The following ZNF232 variants were observed in gnomAD, a reference collection of about 807,000 sequenced individuals.
ZNF232 encodes the protein zinc finger and SCAN domain-containing protein 11.
In ZNF232, 25 loss-of-function variants were observed where a neutral mutation model predicts 25.2. The ratio of observed to expected loss-of-function variants is 0.99; its 90% confidence interval spans 0.72 to 1.39. ZNF232 has a LOEUF of 1.39. ZNF232 is among the 40% of genes most tolerant of loss of function. The probability of loss-of-function intolerance (pLI) is 0.00; values close to 1 mark genes in which losing one functional copy is unlikely to be tolerated. For synonymous variants in ZNF232, 193 were observed against 182.9 expected (o/e 1.06, Z -0.45); for missense variants, 519 against 520.9 (o/e 1.00, Z 0.04).
upstream of ZNF232, chr17:5,114,443 A>C (rs2072483101): frequency 2.0e-5 from 3 of 152,374 alleles, no homozygotes; most frequent in South Asian, 4.1e-4. Flanking sequence ...TTGATGCTGA[A>C]TAAGTTGTGA....
At chr17:5,121,193 A>G (rs1441511789) in intron 1 of ZNF232, among the ~76,000 whole-genome samples, 1 of 152,170 alleles carries the variant, frequency 6.6e-6, no homozygotes, top group Non-Finnish European at 1.5e-5. Context: ...AAGAAATGCA[A>G]ACAACCGCAG....
upstream of ZNF232, among the ~76,000 whole-genome samples, chr17:5,112,618 A>AT (rs553692280): frequency 0.16 from 22,943 of 143,664 alleles, 2,071 homozygotes; most frequent in African/African-American, 0.25. Context: ...CGCCCGGCTA[A>AT]TTTTTTTTTT....
chr17:5,116,260 C>A (rs1025470448), upstream of ZNF232, among the ~76,000 whole-genome samples: 4 of 151,924 alleles, frequency 2.6e-5, no homozygotes, highest in Non-Finnish European at 4.4e-5. Flanking sequence ...CTGCTCGACG[C>A]CACTCCCGGC....
At chr17:5,107,575 G>C (rs1292345899) in intron 3 of ZNF232, among the ~76,000 whole-genome samples, 2 of 135,376 alleles carry the variant, frequency 1.5e-5, no homozygotes, top group East Asian at 4.2e-4. Flanking sequence ...GTCTTGCTCT[G>C]TTGCCCAGGC....
upstream of ZNF232, chr17:5,113,443 C>T (rs1382193607): frequency 6.6e-6 from 1 of 152,202 alleles, no homozygotes; most frequent in Non-Finnish European, 1.5e-5. Context: ...TTGACAGAGC[C>T]TGAATTTCAG....
chr17:5,106,628 A>T (rs2072267572), intron 3 of ZNF232, 95 bp from the exon 4 acceptor site: 3 of 1,063,134 alleles, frequency 2.8e-6, no homozygotes, highest in Non-Finnish European at 4.0e-6. Context: ...CAAACATTCG[A>T]AGAATATTTA....
chr17:5,109,329 G>C, intron 2 of ZNF232, 65 bp downstream of exon 2: 1 of 1,589,952 alleles, frequency 6.3e-7, no homozygotes, highest in Non-Finnish European at 8.6e-7. Context: ...CCCTACAGCT[G>C]CCCCTCGGTC....
upstream of ZNF232, among the ~76,000 whole-genome samples, chr17:5,115,455 G>C (rs536223229): frequency 4.7e-4 from 72 of 152,162 alleles, 1 homozygote; most frequent in Admixed American, 3.9e-4. Context: ...GGAGGCTGAG[G>C]CGGGACAACA....
At chr17:5,109,320 C>G (rs149824709) in intron 2 of ZNF232, 74 bp downstream of exon 2, 1 of 1,570,974 alleles carries the variant, frequency 6.4e-7, no homozygotes, top group African/African-American at 1.4e-5. Flanking sequence ...GGCACCTCCC[C>G]CTACAGCTGC....
At chr17:5,108,847 A>G in intron 3 of ZNF232, 79 bp downstream of exon 3, 2 of 1,601,734 alleles carry the variant, frequency 1.2e-6, no homozygotes, top group Non-Finnish European at 1.7e-6. Flanking sequence ...ACTACTATTT[A>G]CCCTTTACAG....
At chr17:5,122,748 G>C (rs929634375) in intron 1 of ZNF232, among the ~76,000 whole-genome samples, 1 of 152,232 alleles carries the variant, frequency 6.6e-6, no homozygotes, top group Non-Finnish European at 1.5e-5. Flanking sequence ...ACCCGCAGCG[G>C]GTATCCCCAA....
At chr17:5,111,602 A>G in intron 1 of ZNF232, 198 bp downstream of exon 1, 1 of 726,920 alleles carries the variant, frequency 1.4e-6, no homozygotes, top group African/African-American at 1.8e-5. Context: ...GAGGAACATC[A>G]AGACCCCCCT....
exon 1 of ZNF232, chr17:5,123,071 C>G (rs2072748622): frequency 6.5e-6 from 1 of 153,218 alleles, no homozygotes; most frequent in Non-Finnish European, 1.5e-5. Flanking sequence ...GATCCTTAGG[C>G]TCCGAAGAGA....
At chr17:5,109,313 A>G (rs1597923095) in intron 2 of ZNF232, 81 bp downstream of exon 2, 1 of 1,548,528 alleles carries the variant, frequency 6.5e-7, no homozygotes, top group Non-Finnish European at 8.9e-7. Context: ...TGAACTTGGC[A>G]CCTCCCCCTA....
chr17:5,108,897 C>A (rs1381955724), intron 3 of ZNF232, 29 bp downstream of exon 3: 2 of 1,613,608 alleles, frequency 1.2e-6, no homozygotes, highest in Admixed American at 3.3e-5. Flanking sequence ...TCTTTCTCCT[C>A]TCCCTCCCCA....
At chr17:5,109,589 T>C (rs1322517397) in exon 2 of ZNF232, 1 of 1,614,090 alleles carries the variant, frequency 6.2e-7, no homozygotes, top group African/African-American at 1.3e-5. Context: ...AGCAGAGTAC[T>C]CGTAGTTGGC....
upstream of ZNF232, among the ~76,000 whole-genome samples, chr17:5,115,991 G>A (rs1961793745): frequency 6.6e-6 from 1 of 152,244 alleles, no homozygotes. Flanking sequence ...TGTAGGGCTG[G>A]ACGGCACAAA....
At chr17:5,117,058 A>AC (rs1343915731) in intron 1 of ZNF232, among the ~76,000 whole-genome samples, 1 of 151,922 alleles carries the variant, frequency 6.6e-6, no homozygotes, top group Non-Finnish European at 1.5e-5. Flanking sequence ...GCTAGGTGAG[A>AC]CTCCCCACTG....
rs372445245 is a variant in ZNF232 at position 5,106,578 on chromosome 17, T to C, written c.626-72A>G. 1.1e-5 allele frequency: 16 copies of C among 1,491,262 alleles called. No individual in the cohort carries two copies. In the East Asian group the frequency reaches 1.1e-4, roughly 11 times the overall value. The allele number at this position is 1,491,262 out of a possible 1,614,324, so 92.4% of individuals were successfully genotyped here. A position where few individuals can be genotyped will look rare whatever the true frequency, so the allele number is the denominator to read the frequency against. On this transcript the variant is annotated intron_variant, in intron 3 of 3. Transcript: ENST00000575898. Reference sequence around the variant, plus strand: ...ACACTTAGATTAAAATGTATATTTCTGGAATGAAAACAAATGCTTAAAAAC... The same window carrying C: ...ACACTTAGATTAAAATGTATATTTCCGGAATGAAAACAAATGCTTAAAAAC...
Sources: allele counts gnomAD v4.1 joint callset (sites outside exome capture counted in the v4.1 genomes callset), GRCh38; gene constraint gnomAD v4.1.1; transcripts MANE v1.5; gene names NCBI Gene and HGNC (gene_info 2026-07-23, HGNC 2026-07-21).